The following ZP4 variants were observed in gnomAD, a reference collection of about 807,000 sequenced individuals.
ZP4 encodes the protein zona pellucida sperm-binding protein 4.
A neutral mutation model predicts 62.3 loss-of-function variants in ZP4; 62 were observed. That is an observed-to-expected ratio of 0.99 (90% confidence interval 0.81 to 1.23). ZP4 has a LOEUF of 1.23. Ranked by LOEUF, ZP4 falls within the 50% of genes most tolerant of loss-of-function variation. The pLI, the probability that ZP4 is intolerant of heterozygous loss-of-function variation, is 0.00. For synonymous variants in ZP4, 289 were observed against 247.3 expected, an observed-to-expected ratio of 1.17 and a Z score of -1.58; for missense variants, 774 against 656.0, an observed-to-expected ratio of 1.18 and a Z score of -1.97.
At chr1:237,885,976 T>G in intron 6 of ZP4, 90 bp from the exon 7 acceptor site, 2 of 1,552,744 alleles carry the variant, frequency 1.3e-6, no homozygotes, top group Non-Finnish European at 1.7e-6. Flanking sequence ...AAGCATTAAG[T>G]GCTAGACAAG....
chr1:237,887,642 A>G (rs1041170328), intron 4 of ZP4, 81 bp from the exon 5 acceptor site: 2 of 1,429,796 alleles, frequency 1.4e-6, no homozygotes, highest in African/African-American at 2.8e-5. Flanking sequence ...CCACTTAGTT[A>G]CTTTTAATCC....
At position 237,884,027 on chromosome 1, in the gene ZP4, CACACAA is replaced by C. The variant is rs1488487298; in HGVS notation, c.1390+736_1390+741del. Among the ~76,000 whole-genome samples the C allele has an allele frequency of 6.7e-3, 559 of 83,980 alleles. 4 individuals are homozygous for C. The highest frequency in any genetic ancestry group is 0.013 in the Middle Eastern group (2 of 160). 55.1% of individuals were successfully genotyped at this position (83,980 alleles called of 152,430 possible). On this transcript the variant is annotated intron_variant, in intron 10 of 11. Transcript: ENST00000366570. The stretch of plus-strand genomic sequence containing the variant: ...ACACACACACACACAAACACACACA[CACACAA>C]ACACACACAAACACACACAAACACA...
intron 10 of ZP4, among the ~76,000 whole-genome samples, chr1:237,883,973 C>CAA (rs1665011566): frequency 1.6e-5 from 1 of 61,090 alleles, no homozygotes; most frequent in East Asian, 7.1e-4. Flanking sequence ...CACAAACACA[C>CAA]ACACACACAA....
Position 237,885,473 on chromosome 1 carries a change from G to A in ZP4, c.1078C>T (p.Leu360=). 1 of 1,614,176 alleles carries A rather than the reference G, an allele frequency of 6.2e-7. No individual in the cohort carries two copies. The highest frequency in any genetic ancestry group is 8.5e-7 in the Non-Finnish European group (1 of 1,180,022). ...CAACACTGTTGTAGGAGCAGCCCCA[G>A]GTAGGGGTCTGTTCTGTGAAGGATG... is the stretch of plus-strand genomic sequence containing the variant. ...VSILHRTDPY[L]GLLLQQCWAT... is the part of the protein sequence containing the mutation. The change falls in exon 8 of 12, where the codon CTG becomes TTG. Residue 360 remains leucine, a synonymous_variant. Coordinates refer to ENST00000366570, the MANE Select transcript of ZP4 (RefSeq NM_021186.5).
rs1571937024 is a variant in ZP4, at chr1:237,890,860, A to C, written c.-225T>G. 1 of 443,880 alleles carries C rather than the reference A, an allele frequency of 2.3e-6. No individual in the cohort carries two copies. Among genetic ancestry groups the C allele is most frequent in the Non-Finnish European group, 4.0e-6 (1 of 252,012 alleles). The allele number at this position is 443,880 out of a possible 1,614,324, so 27.5% of individuals were successfully genotyped here. A position where few individuals can be genotyped will look rare whatever the true frequency, so the allele number is the denominator to read the frequency against. On this transcript the variant is annotated 5_prime_UTR_variant, in exon 1 of 12. Coordinates refer to ENST00000366570, the MANE Select transcript of ZP4 (RefSeq NM_021186.5). ...TCACATTAAATACCACAATCCAGGC[A>C]GACTTCAGAGCCCAAGAAAAATGTA... is the stretch of plus-strand genomic sequence containing the variant.
chr1:237,885,368 A>G, intron 8 of ZP4, 23 bp downstream of exon 8: 1 of 1,610,610 alleles, frequency 6.2e-7, no homozygotes, highest in Non-Finnish European at 8.5e-7. Context: ...ATTTCAGCAC[A>G]GGTGTATGAA....
At chr1:237,884,063 AACACAC>A (rs1241192850) in intron 10 of ZP4, among the ~76,000 whole-genome samples, 1 of 138,026 alleles carries the variant, frequency 7.2e-6, no homozygotes, top group South Asian at 2.2e-4. Flanking sequence ...AACACACACA[AACACAC>A]ACAAACACAC....
At chr1:237,888,557 G>T in intron 3 of ZP4, 47 bp from the exon 4 acceptor site, 1 of 1,537,502 alleles carries the variant, frequency 6.5e-7, no homozygotes, top group Non-Finnish European at 8.8e-7. Context: ...GGAAAAGTTA[G>T]TCTTGAATAC....
Position 237,887,580 on chromosome 1 carries a change from G to C in ZP4, c.554-19C>G. Reference sequence around the variant, plus strand: ...AAGGTCACTGAAACAGAGCAGCTGTGCTGAAGGCAGGTCATCTCTCCCATT... The same window carrying C: ...AAGGTCACTGAAACAGAGCAGCTGTCCTGAAGGCAGGTCATCTCTCCCATT... On this transcript the variant is annotated intron_variant, in intron 4 of 11. Coordinates refer to ENST00000366570, the MANE Select transcript of ZP4 (RefSeq NM_021186.5). 5.0e-6 allele frequency: 8 copies of C among 1,607,000 alleles called. No individual in the cohort carries two copies. The highest frequency in any genetic ancestry group is 6.8e-6 in the Non-Finnish European group (8 of 1,176,296).
chr1:237,885,116 T>A (rs1167111877), intron 9 of ZP4, 49 bp downstream of exon 9: 1 of 1,593,304 alleles, frequency 6.3e-7, no homozygotes, highest in Non-Finnish European at 8.5e-7. Context: ...CAGTTGTAAG[T>A]TGGGGAGGTT....
At chr1:237,889,499 G>A (rs1166388965) in intron 3 of ZP4, among the ~76,000 whole-genome samples, 5 of 151,950 alleles carry the variant, frequency 3.3e-5, no homozygotes, top group East Asian at 1.9e-4. Flanking sequence ...TGTGTTTTTA[G>A]TAGAGATGGG....
intron 9 of ZP4, 31 bp from the exon 10 acceptor site, chr1:237,884,878 A>G (rs946537876): frequency 6.2e-7 from 1 of 1,604,920 alleles, no homozygotes; most frequent in Non-Finnish European, 8.5e-7. Flanking sequence ...GGTCATTTGT[A>G]GTATCACCAT....
intron 10 of ZP4, 21 bp downstream of exon 10, chr1:237,884,748 T>C: frequency 6.2e-7 from 1 of 1,609,944 alleles, no homozygotes; most frequent in Non-Finnish European, 8.5e-7. Context: ...AAATCTGTCC[T>C]CTAACAGCTT....
chr1:237,888,515 G>GT lies in ZP4; in HGVS notation c.401-6dup. 1 of 1,583,602 alleles carries GT rather than the reference G, an allele frequency of 6.3e-7. No individual in the cohort carries two copies. Reference sequence around the variant, plus strand: ...CAGTATCTGGAGCATCTCGGGCTAGGTTTTGAAAAAGAGTAAGTCAGGTTA... The same window carrying GT: ...CAGTATCTGGAGCATCTCGGGCTAGGTTTTTGAAAAAGAGTAAGTCAGGTTA... On this transcript the variant is annotated splice_region_variant and splice_polypyrimidine_tract_variant and intron_variant, in intron 3 of 11. Coordinates refer to ENST00000366570, the MANE Select transcript of ZP4 (RefSeq NM_021186.5).
At position 237,890,766 on chromosome 1, in the gene ZP4, A is replaced by C; in HGVS notation, c.-131T>G. The C allele has an allele frequency of 9.8e-7, 1 of 1,025,008 alleles. No homozygotes were observed. Among genetic ancestry groups the C allele is most frequent in the Non-Finnish European group, 1.4e-6 (1 of 718,844 alleles). 63.5% of individuals were successfully genotyped at this position (1,025,008 alleles called of 1,614,324 possible). A position where few individuals can be genotyped will look rare whatever the true frequency, so the allele number is the denominator to read the frequency against. On this transcript the variant is annotated 5_prime_UTR_variant, in exon 1 of 12. Transcript: ENST00000366570. The stretch of plus-strand genomic sequence containing the variant: ...TCAGCTGCACATCTTTGTGACACTC[A>C]GGTGGGATGCCTTCAGAAAGGGGAA...
At chr1:237,887,713 GT>G in intron 4 of ZP4, 152 bp from the exon 5 acceptor site, 1 of 734,712 alleles carries the variant, frequency 1.4e-6, no homozygotes, top group Non-Finnish European at 2.2e-6. Context: ...ACCAACCACA[GT>G]TTAACCCAGG....
At chr1:237,884,370 C>T (rs757597515) in intron 10 of ZP4, among the ~76,000 whole-genome samples, 11 of 152,124 alleles carry the variant, frequency 7.2e-5, no homozygotes, top group Non-Finnish European at 1.5e-4. Context: ...TTGGACCCAA[C>T]GAACTAGAGA....
At chr1:237,889,722 T>C in intron 3 of ZP4, 145 bp downstream of exon 3, 1 of 761,298 alleles carries the variant, frequency 1.3e-6, no homozygotes, top group East Asian at 2.5e-5. Flanking sequence ...TCCTAAGGAT[T>C]GCCCATGGAG....
chr1:237,889,319 T>TA (rs1370745486), intron 3 of ZP4, among the ~76,000 whole-genome samples: 1 of 130,388 alleles, frequency 7.7e-6, no homozygotes, highest in Non-Finnish European at 1.5e-5. Context: ...GGTTGTATTT[T>TA]TTTTTTTTTT....
Sources: allele counts gnomAD v4.1 joint callset (sites outside exome capture counted in the v4.1 genomes callset), GRCh38; gene constraint gnomAD v4.1.1; transcripts MANE v1.5; gene names NCBI Gene and HGNC (gene_info 2026-07-23, HGNC 2026-07-21).